Variants in SGK3 observed in about 807,000 individuals in gnomAD.
SGK3 encodes the protein serine/threonine-protein kinase Sgk3.
SGK3 carries 47 observed loss-of-function variants against 68.5 expected under a neutral mutation model. That is an observed-to-expected ratio of 0.69 (90% CI 0.54 to 0.87). SGK3 has a LOEUF of 0.87. SGK3 is among the 40% of genes least tolerant of loss of function. The pLI is 0.00. For missense variants in SGK3, 479 were observed against 575.5 expected (o/e 0.83, Z 1.72); for synonymous variants, 181 against 189.1 (o/e 0.96, Z 0.35).
intron 5 of SGK3, among the ~76,000 whole-genome samples, chr8:66,821,215 T>A (rs529443893): frequency 6.6e-6 from 1 of 152,216 alleles, no homozygotes; most frequent in Non-Finnish European, 1.5e-5. Flanking sequence ...TCATAGCCAT[T>A]TCCTCATCCC....
intron 1 of SGK3, among the ~76,000 whole-genome samples, chr8:66,723,114 TA>T (rs1804858004): frequency 1.4e-3 from 76 of 53,762 alleles, no homozygotes; most frequent in Non-Finnish European, 2.2e-3. Flanking sequence ...TATATATATA[TA>T]TATATATATA....
At chr8:66,849,990 T>C (rs964138250) in intron 15 of SGK3, among the ~76,000 whole-genome samples, 1 of 152,258 alleles carries the variant, frequency 6.6e-6, no homozygotes, top group Non-Finnish European at 1.5e-5. Flanking sequence ...TGGCTTCTTA[T>C]GACCCTAGAG....
chr8:66,780,747 A>C (rs1003649898), intron 1 of SGK3, among the ~76,000 whole-genome samples: 3 of 152,234 alleles, frequency 2.0e-5, no homozygotes, highest in Non-Finnish European at 4.4e-5. Context: ...GACTGTCAGC[A>C]ATAATCCACA....
intron 3 of SGK3, among the ~76,000 whole-genome samples, chr8:66,802,494 GC>G (rs1386436077): frequency 6.6e-6 from 1 of 151,980 alleles, no homozygotes; most frequent in Non-Finnish European, 1.5e-5. Flanking sequence ...TTCAAGACCA[GC>G]CCGGGCAATG....
At chr8:66,821,180 G>T (rs890918755) in intron 5 of SGK3, among the ~76,000 whole-genome samples, 5 of 151,834 alleles carry the variant, frequency 3.3e-5, no homozygotes, top group Non-Finnish European at 7.4e-5. Flanking sequence ...ATTTTAGTCC[G>T]TTTTTTTCTC....
At chr8:66,835,918 A>C (rs1311583787) in intron 9 of SGK3, 25 bp from the exon 10 acceptor site, 1 of 1,612,198 alleles carries the variant, frequency 6.2e-7, no homozygotes, top group Non-Finnish European at 8.5e-7. Flanking sequence ...TGTATAATAC[A>C]ATTGATCTTT....
intron 10 of SGK3, 128 bp from the exon 11 acceptor site, chr8:66,839,875 T>C: frequency 1.2e-6 from 1 of 826,396 alleles, no homozygotes; most frequent in Non-Finnish European, 1.8e-6. Flanking sequence ...TTGTTAACAT[T>C]TTTAGCTCAC....
intron 1 of SGK3, among the ~76,000 whole-genome samples, chr8:66,724,774 C>T (rs1490740671): frequency 6.6e-6 from 1 of 152,070 alleles, no homozygotes; most frequent in Non-Finnish European, 1.5e-5. Flanking sequence ...TTATGTTTTG[C>T]TTGACTACAT....
intron 1 of SGK3, among the ~76,000 whole-genome samples, chr8:66,777,357 G>T (rs535265902): frequency 1.3e-4 from 20 of 152,338 alleles, no homozygotes; most frequent in African/African-American, 4.8e-4. Flanking sequence ...TGTATCCTAA[G>T]TGCTTGGAAA....
rs1025210278 is a variant in SGK3 at position 66,712,784 on chromosome 8, G to A, written c.-171G>A. On this transcript the variant is annotated 5_prime_UTR_variant, in exon 1 of 17. It adds an upstream start codon to the 5' untranslated region. Transcript: ENST00000521198. ...GCCCTGCCGGGAAGGAGGAAGCGCA[G>A]TGCGTTCGGCTCCGCGCCCGCCGCG... is the stretch of plus-strand genomic sequence containing the variant. 1.3e-5 allele frequency: 2 copies of A among 151,490 alleles called. No individual in the cohort carries two copies. Among genetic ancestry groups the A allele is most frequent in the African/African-American group, 4.8e-5 (2 of 41,376 alleles). The allele number at this position is 151,490 out of a possible 1,614,324, so 9.4% of individuals were successfully genotyped here.
chr8:66,754,976 A>T (rs1805929548), intron 1 of SGK3, among the ~76,000 whole-genome samples: 1 of 152,198 alleles, frequency 6.6e-6, no homozygotes, highest in South Asian at 2.1e-4. Flanking sequence ...AACAGCAACA[A>T]GGCCAGGCGT....
At chr8:66,822,283 AGTT>A in intron 5 of SGK3, 86 bp from the exon 6 acceptor site, 1 of 1,171,834 alleles carries the variant, frequency 8.5e-7, no homozygotes, top group South Asian at 1.6e-5. Flanking sequence ...ATACTAATAT[AGTT>A]ATTTCTATTT....
At chr8:66,792,004 G>A (rs188422429) in intron 1 of SGK3, among the ~76,000 whole-genome samples, 1 of 152,146 alleles carries the variant, frequency 6.6e-6, no homozygotes, top group Non-Finnish European at 1.5e-5. Flanking sequence ...TTACATGTCT[G>A]TATGTTCTAA....
chr8:66,786,925 C>CTTTTTTTT lies in SGK3; in HGVS notation c.-121-6668_-121-6661dup, dbSNP rs71249407. On this transcript the variant is annotated intron_variant, in intron 1 of 16. Coordinates refer to ENST00000521198, the MANE Select transcript of SGK3 (RefSeq NM_001033578.3). Reference sequence around the variant, plus strand: ...TCTGTGAGGGTAGGATTTTCTCTGTCTTTTTTTTTTTTTTTTTTTTTTTTT... The same window carrying CTTTTTTTT: ...TCTGTGAGGGTAGGATTTTCTCTGTCTTTTTTTTTTTTTTTTTTTTTTTTTTTTTTTTT... Among the ~76,000 whole-genome samples, 13 of 48,704 alleles carry CTTTTTTTT rather than the reference C, an allele frequency of 2.7e-4. 1 individual carries two copies. Among genetic ancestry groups the CTTTTTTTT allele is most frequent in the African/African-American group, 1.1e-3 (13 of 12,052 alleles). 32.0% of individuals were successfully genotyped at this position (48,704 alleles called of 152,430 possible). A position where few individuals can be genotyped will look rare whatever the true frequency, so the allele number is the denominator to read the frequency against.
intron 6 of SGK3, among the ~76,000 whole-genome samples, chr8:66,825,337 T>C (rs1809009092): frequency 6.6e-6 from 1 of 151,000 alleles, no homozygotes; most frequent in Admixed American, 6.6e-5. Context: ...GACTTTTTTT[T>C]TTTTTTTTTT....
chr8:66,814,689 G>A (rs1808509372), intron 5 of SGK3, among the ~76,000 whole-genome samples: 1 of 152,186 alleles, frequency 6.6e-6, no homozygotes, highest in South Asian at 2.1e-4. Context: ...TAGTCCAGCA[G>A]CCATTAAGAT....
intron 1 of SGK3, among the ~76,000 whole-genome samples, chr8:66,734,228 C>CTTTTTTTTTTTT (rs529741200): frequency 1.3e-4 from 14 of 104,200 alleles, no homozygotes; most frequent in East Asian, 5.8e-4. Context: ...CTTTTTCTTT[C>CTTTTTTTTTTTT]TTTTTTTTTT....
chr8:66,831,224 A>G, intron 7 of SGK3, 30 bp from the exon 8 acceptor site: 1 of 1,607,828 alleles, frequency 6.2e-7, no homozygotes, highest in Non-Finnish European at 8.5e-7. Flanking sequence ...AATTTCTAGG[A>G]GGCTAATTCT....
chr8:66,847,038 CTT>C (rs1810057499), intron 14 of SGK3, among the ~76,000 whole-genome samples, 153 bp from the exon 15 acceptor site: 2 of 152,322 alleles, frequency 1.3e-5, no homozygotes, highest in Middle Eastern at 3.4e-3. Context: ...TTTAGAATCT[CTT>C]TGCTTCAGGA....
Sources: allele counts gnomAD v4.1 joint callset (sites outside exome capture counted in the v4.1 genomes callset), GRCh38; gene constraint gnomAD v4.1.1; transcripts MANE v1.5; gene names NCBI Gene and HGNC (gene_info 2026-07-23, HGNC 2026-07-21).